Variants in KCND2 observed in about 807,000 individuals in gnomAD.
The protein encoded by KCND2 is A-type voltage-gated potassium channel KCND2.
KCND2 carries 16 observed loss-of-function variants against 54.4 expected under a neutral mutation model. The ratio of observed to expected loss-of-function variants is 0.29; its 90% CI spans 0.20 to 0.45. KCND2 has a LOEUF of 0.45. KCND2 is among the 20% of genes least tolerant of loss of function. KCND2 has a pLI of 1.00. For missense variants in KCND2, 486 were observed against 824.2 expected (o/e 0.59, Z 5.02); for synonymous variants, 317 against 310.7 (o/e 1.02, Z -0.21).
intron 1 of KCND2, among the ~76,000 whole-genome samples, chr7:120,500,302 T>C (rs1191476033): frequency 6.6e-6 from 1 of 152,166 alleles, no homozygotes; most frequent in Non-Finnish European, 1.5e-5. Flanking sequence ...GTGCTTAGCA[T>C]ATAATCTTCA....
intron 1 of KCND2, among the ~76,000 whole-genome samples, chr7:120,278,335 G>T (rs1369672002): frequency 6.6e-6 from 1 of 151,760 alleles, no homozygotes; most frequent in Non-Finnish European, 1.5e-5. Flanking sequence ...GAAGTGTAAG[G>T]TGCAAACTTT....
chr7:120,361,016 C>T (rs1053364224), intron 1 of KCND2, among the ~76,000 whole-genome samples: 16 of 152,136 alleles, frequency 1.1e-4, no homozygotes, highest in African/African-American at 3.9e-4. Flanking sequence ...CTCAAATACT[C>T]ATCTTTTCTC....
intron 1 of KCND2, among the ~76,000 whole-genome samples, chr7:120,326,873 A>T (rs7805413): frequency 1.3e-5 from 2 of 151,872 alleles, no homozygotes; most frequent in Non-Finnish European, 2.9e-5. Flanking sequence ...TGAATGAATA[A>T]TGTACTGAAC....
intron 1 of KCND2, among the ~76,000 whole-genome samples, chr7:120,678,382 C>G (rs925077614): frequency 7.6e-6 from 1 of 131,844 alleles, no homozygotes; most frequent in Non-Finnish European, 1.6e-5. Context: ...TACGCACACA[C>G]ACATATATAG....
At chr7:120,502,168 T>C (rs1002808343) in intron 1 of KCND2, among the ~76,000 whole-genome samples, 2 of 152,096 alleles carry the variant, frequency 1.3e-5, no homozygotes, top group African/African-American at 4.8e-5. Flanking sequence ...TCCCATATAA[T>C]ATCCAATTCT....
chr7:120,697,760 A>C (rs1320420045), intron 1 of KCND2, among the ~76,000 whole-genome samples: 3 of 152,222 alleles, frequency 2.0e-5, no homozygotes, highest in Non-Finnish European at 4.4e-5. Context: ...GCACCACGCC[A>C]CTGAACAATA....
chr7:120,275,876 A>G (rs1799166284), intron 1 of KCND2, 129 bp downstream of exon 1: 1 of 1,065,994 alleles, frequency 9.4e-7, no homozygotes, highest in Non-Finnish European at 1.4e-6. Context: ...AGCATTATCT[A>G]AATGGTTTGG....
At chr7:120,490,797 A>G (rs1201919716) in intron 1 of KCND2, among the ~76,000 whole-genome samples, 5 of 150,196 alleles carry the variant, frequency 3.3e-5, no homozygotes, top group African/African-American at 1.3e-4. Flanking sequence ...ACACATATGG[A>G]TAGCTCAAGA....
chr7:120,630,901 A>G (rs1046786449), intron 1 of KCND2, among the ~76,000 whole-genome samples: 1 of 152,206 alleles, frequency 6.6e-6, no homozygotes, highest in Non-Finnish European at 1.5e-5. Context: ...GTGCCTGTTA[A>G]TGTTATGAGA....
intron 1 of KCND2, among the ~76,000 whole-genome samples, chr7:120,286,957 C>A (rs1366655362): frequency 1.3e-5 from 2 of 151,918 alleles, no homozygotes; most frequent in Non-Finnish European, 2.9e-5. Context: ...AGCATAAAAT[C>A]AACTTTGAAA....
chr7:120,739,817 ACACACACACACACACG>A (rs914055200), intron 2 of KCND2, among the ~76,000 whole-genome samples: 2 of 147,908 alleles, frequency 1.4e-5, no homozygotes, highest in African/African-American at 2.7e-5. Flanking sequence ...ACACACACAC[ACACACACACACACACG>A]CACTCCCTTT....
intron 1 of KCND2, among the ~76,000 whole-genome samples, chr7:120,468,371 A>G (rs1802408684): frequency 6.6e-6 from 1 of 152,132 alleles, no homozygotes; most frequent in African/African-American, 2.4e-5. Flanking sequence ...TTTTCTCTAC[A>G]GTGGGTTGGA....
chr7:120,576,875 G>A (rs1051298773), intron 1 of KCND2, among the ~76,000 whole-genome samples: 14 of 152,216 alleles, frequency 9.2e-5, no homozygotes, highest in African/African-American at 3.4e-4. Flanking sequence ...GGCTGGGCGC[G>A]GTGGCTCACA....
chr7:120,655,578 T>A (rs1791792111), intron 1 of KCND2, among the ~76,000 whole-genome samples: 1 of 152,064 alleles, frequency 6.6e-6, no homozygotes, highest in East Asian at 1.9e-4. Context: ...AAAACATATT[T>A]CTTAAAGAGC....
intron 1 of KCND2, among the ~76,000 whole-genome samples, chr7:120,721,223 A>C (rs1210474237): frequency 2.0e-5 from 3 of 152,148 alleles, no homozygotes; most frequent in African/African-American, 7.2e-5. Flanking sequence ...ACCACAGGGC[A>C]TATTCATACA....
At chr7:120,527,408 G>A (rs911598527) in intron 1 of KCND2, among the ~76,000 whole-genome samples, 8 of 152,006 alleles carry the variant, frequency 5.3e-5, no homozygotes, top group Admixed American at 1.3e-4. Flanking sequence ...CCTGACTTTC[G>A]GTACACTACA....
intron 1 of KCND2, among the ~76,000 whole-genome samples, chr7:120,681,606 A>G (rs1792140895): frequency 6.6e-6 from 1 of 152,060 alleles, no homozygotes; most frequent in Non-Finnish European, 1.5e-5. Context: ...CGGTTTCAAT[A>G]GGAAGTTAAT....
intron 1 of KCND2, among the ~76,000 whole-genome samples, chr7:120,550,905 CA>C (rs1792097793): frequency 6.6e-6 from 1 of 152,134 alleles, no homozygotes; most frequent in Non-Finnish European, 1.5e-5. Context: ...TTTAAATGAT[CA>C]AATTGGAGTG....
intron 1 of KCND2, among the ~76,000 whole-genome samples, chr7:120,301,835 C>T (rs992139340): frequency 6.6e-6 from 1 of 152,032 alleles, no homozygotes; most frequent in East Asian, 1.9e-4. Context: ...TTCCTGACAT[C>T]GTTTTGTGCA....
Sources: allele counts gnomAD v4.1 joint callset (sites outside exome capture counted in the v4.1 genomes callset), GRCh38; gene constraint gnomAD v4.1.1; transcripts MANE v1.5; gene names NCBI Gene and HGNC (gene_info 2026-07-23, HGNC 2026-07-21).